The following PDK3 variants were observed in gnomAD, a reference collection of about 807,000 sequenced individuals.
PDK3 encodes the protein pyruvate dehydrogenase kinase 3, also known as pyruvate dehydrogenase kinase, isozyme 3.
A neutral mutation model predicts 32.0 loss-of-function variants in PDK3; 12 were observed. The ratio of observed to expected loss-of-function variants is 0.37; its 90% CI spans 0.24 to 0.61. The LOEUF is 0.61. Ranked by LOEUF, PDK3 falls within the 20% of genes least tolerant of loss-of-function variation. The pLI, the probability that PDK3 is intolerant of heterozygous loss-of-function variation, is 0.65. For synonymous variants in PDK3, 122 were observed against 116.3 expected (o/e 1.05, Z -0.31); for missense variants, 188 against 316.9 (o/e 0.59, Z 3.09).
intron 8 of PDK3, 124 bp downstream of exon 8, chrX:24,527,799 A>G: frequency 4.0e-6 from 2 of 500,471 alleles, no homozygotes; most frequent in South Asian, 3.4e-5. Context: ...GTTCTATGCT[A>G]GATCCTTGGC....
chrX:24,535,990 G>T (rs1481898789), downstream of PDK3, among the ~76,000 whole-genome samples: 2 of 100,092 alleles, frequency 2.0e-5, no homozygotes, highest in Non-Finnish European at 4.0e-5. Flanking sequence ...AAGAAAGGAA[G>T]GAAGGAAAGG....
chrX:24,472,137 C>G (rs1168560308), intron 1 of PDK3, among the ~76,000 whole-genome samples: 1 of 111,385 alleles, frequency 9.0e-6, no homozygotes, highest in Non-Finnish European at 1.9e-5. Context: ...CTTTGTTTTG[C>G]CATATTTATT....
chrX:24,486,200 T>C (rs753876646), intron 1 of PDK3, among the ~76,000 whole-genome samples: 70 of 111,114 alleles, frequency 6.3e-4, no homozygotes, highest in Non-Finnish European at 1.2e-3. Context: ...TGAGCCTGGG[T>C]CATAAAAGGC....
chrX:24,527,588 G>A lies in PDK3; in HGVS notation c.765G>A (p.Ala255=), dbSNP rs1277836754. 4 of 1,160,497 alleles carry A rather than the reference G, an allele frequency of 3.4e-6. No homozygotes were observed. Among genetic ancestry groups the A allele is most frequent in the African/African-American group, 3.6e-5 (2 of 55,928 alleles). Residue 255 remains alanine (A), a synonymous_variant, in exon 8 of 11, where the codon GCG becomes GCA. Transcript: ENST00000379162. ...LFELFKNSMR[A]TVELYEDRKE... is the part of the protein sequence containing the mutation. ...TATTATTTTAGAACTCAATGAGAGC[G>A]ACAGTTGAACTCTATGAAGACAGAA...
At chrX:24,467,885 A>G (rs1940077681) in intron 1 of PDK3, among the ~76,000 whole-genome samples, 2 of 111,942 alleles carry the variant, frequency 1.8e-5, no homozygotes, top group South Asian at 7.4e-4. Context: ...GAGGACCGTG[A>G]TAAATTCCTG....
chrX:24,524,740 T>G (rs758522731), intron 6 of PDK3, among the ~76,000 whole-genome samples: 25 of 111,834 alleles, frequency 2.2e-4, no homozygotes, highest in African/African-American at 7.5e-4. Context: ...ACAGCAGAAG[T>G]AGTAAAGAGT....
intron 1 of PDK3, among the ~76,000 whole-genome samples, chrX:24,471,555 C>G (rs1920990979): frequency 8.9e-6 from 1 of 112,268 alleles, no homozygotes; most frequent in Non-Finnish European, 1.9e-5. Context: ...GTTATACTCT[C>G]TTCTCAGGTT....
intron 6 of PDK3, among the ~76,000 whole-genome samples, chrX:24,524,128 C>G (rs1922465307): frequency 8.9e-6 from 1 of 112,223 alleles, no homozygotes; most frequent in Non-Finnish European, 1.9e-5. Context: ...ATGTGTCTCC[C>G]ATGCATCCCT....
At chrX:24,475,256 T>C (rs1371673775) in intron 1 of PDK3, among the ~76,000 whole-genome samples, 1 of 110,469 alleles carries the variant, frequency 9.1e-6, no homozygotes, top group Non-Finnish European at 1.9e-5. Context: ...ACCAACCTGT[T>C]TGGAGAAAGG....
Position 24,495,715 on chromosome X carries a change from G to A in PDK3, c.248+832G>A, listed in dbSNP as rs200339857. 7.1e-5 allele frequency among the ~76,000 whole-genome samples: 8 copies of A among 112,307 alleles called. No homozygotes were observed. In the East Asian group the frequency reaches 2.2e-3, roughly 32 times the overall value. On this transcript the variant is annotated intron_variant, in intron 2 of 10. Coordinates refer to ENST00000379162, the MANE Select transcript of PDK3 (RefSeq NM_005391.5). ...GAGACTCTCTGATGGTCGTTCAAGG[G>A]TTTTGATAGAGCTCAATCTCCAGCC...
intron 1 of PDK3, among the ~76,000 whole-genome samples, chrX:24,492,516 G>C (rs986437619): frequency 3.6e-5 from 4 of 111,305 alleles, no homozygotes; most frequent in African/African-American, 6.5e-5. Context: ...TTGAACCTGG[G>C]GGGTGGAGGT....
chrX:24,536,963 T>C (rs1922789105), downstream of PDK3, among the ~76,000 whole-genome samples: 1 of 111,391 alleles, frequency 9.0e-6, no homozygotes, highest in African/African-American at 3.3e-5. Context: ...ATGAGAGCTA[T>C]TTCCAGCTGG....
intron 7 of PDK3, among the ~76,000 whole-genome samples, 161 bp from the exon 8 acceptor site, chrX:24,527,413 G>A (rs972951189): frequency 1.3e-4 from 14 of 111,470 alleles, no homozygotes; most frequent in Non-Finnish European, 2.6e-4. Flanking sequence ...ATTTGAGCAC[G>A]TTTAGCTAAG....
intron 1 of PDK3, among the ~76,000 whole-genome samples, chrX:24,481,966 A>G (rs949057635): frequency 1.4e-4 from 16 of 112,015 alleles, no homozygotes; most frequent in South Asian, 3.7e-4. Context: ...AGTTTTTGGT[A>G]TAACATCTTG....
At chrX:24,505,910 A>G (rs1442647068) in intron 5 of PDK3, among the ~76,000 whole-genome samples, 1 of 111,356 alleles carries the variant, frequency 9.0e-6, no homozygotes, top group African/African-American at 3.3e-5. Context: ...TCCACCAGGT[A>G]CCTCTTCAGT....
intron 10 of PDK3, among the ~76,000 whole-genome samples, chrX:24,532,192 G>T (rs1168072890): frequency 1.8e-5 from 2 of 110,733 alleles, no homozygotes; most frequent in Non-Finnish European, 3.8e-5. Context: ...TTTGAACCCG[G>T]GAGGCAGAGG....
At chrX:24,536,530 C>T (rs749400429), downstream of PDK3, among the ~76,000 whole-genome samples, 2 of 111,460 alleles carry the variant, frequency 1.8e-5, no homozygotes, top group East Asian at 5.6e-4. Flanking sequence ...TTCAAGTTAC[C>T]AATTTTCCAG....
intron 2 of PDK3, 149 bp downstream of exon 2, chrX:24,495,032 T>C (rs1921665956): frequency 2.1e-6 from 1 of 468,503 alleles, no homozygotes; most frequent in Non-Finnish European, 3.5e-6. Context: ...AATTAAAAGT[T>C]GTTTTGTTTT....
intron 3 of PDK3, among the ~76,000 whole-genome samples, chrX:24,503,109 A>C (rs1392910309): frequency 8.9e-6 from 1 of 111,947 alleles, no homozygotes; most frequent in Non-Finnish European, 1.9e-5. Flanking sequence ...TACTTTTTGC[A>C]CTTCTGAAAG....
Sources: gnomAD v4.1 joint callset for allele counts (sites outside exome capture counted in the v4.1 genomes callset) on GRCh38, gnomAD v4.1.1 for gene constraint, MANE v1.5 for transcripts, NCBI Gene and HGNC (gene_info 2026-07-23, HGNC 2026-07-21) for gene names.